The following HNF4G variants were observed in gnomAD, a reference collection of about 807,000 sequenced individuals.
HNF4G encodes hepatocyte nuclear factor 4 gamma, also known as hepatocyte nuclear factor 4-gamma.
A neutral mutation model predicts 50.9 loss-of-function variants in HNF4G; 21 were observed. The observed-to-expected ratio is 0.41, with a 90% confidence interval of 0.29 to 0.59. The LOEUF is 0.59. Among genes scored for constraint, HNF4G ranks in the 20% least tolerant of loss-of-function variants. The pLI is 0.26. For missense variants in HNF4G, 527 were observed against 559.4 expected, an observed-to-expected ratio of 0.94 and a Z score of 0.58; for synonymous variants, 198 against 185.6, an observed-to-expected ratio of 1.07 and a Z score of -0.54.
At chr8:75,519,135 G>A (rs1805972959) in intron 2 of HNF4G, among the ~76,000 whole-genome samples, 1 of 152,136 alleles carries the variant, frequency 6.6e-6, no homozygotes, top group Admixed American at 6.5e-5. Flanking sequence ...CAGATCTCTA[G>A]GGCAGGGGCA....
chr8:75,456,692 C>A (rs1811732225), intron 1 of HNF4G, among the ~76,000 whole-genome samples: 1 of 151,258 alleles, frequency 6.6e-6, no homozygotes, highest in Non-Finnish European at 1.5e-5. Context: ...TATAAAAGTC[C>A]CATAGAATAA....
intron 1 of HNF4G, among the ~76,000 whole-genome samples, chr8:75,453,789 T>A (rs1232361698): frequency 1.3e-5 from 2 of 152,128 alleles, no homozygotes; most frequent in Admixed American, 1.3e-4. Flanking sequence ...CCTAATGTTT[T>A]TTGCTTTGTT....
intron 1 of HNF4G, among the ~76,000 whole-genome samples, chr8:75,411,488 C>T (rs557138074): frequency 5.3e-5 from 8 of 152,274 alleles, no homozygotes; most frequent in Admixed American, 2.6e-4. Context: ...TGCCTTATTG[C>T]CTGTTCTTCC....
At chr8:75,483,776 AT>A (rs1001055804) in intron 1 of HNF4G, among the ~76,000 whole-genome samples, 18 of 152,214 alleles carry the variant, frequency 1.2e-4, no homozygotes, top group African/African-American at 3.6e-4. Flanking sequence ...ATCTCTTAAA[AT>A]TTATTATAAT....
intron 1 of HNF4G, among the ~76,000 whole-genome samples, chr8:75,421,832 A>G (rs1053451445): frequency 1.3e-5 from 2 of 152,136 alleles, no homozygotes; most frequent in African/African-American, 4.8e-5. Context: ...GTCTCTCCAC[A>G]TGCACGGTGC....
At chr8:75,478,714 TTC>T (rs1812300379) in intron 1 of HNF4G, among the ~76,000 whole-genome samples, 1 of 151,702 alleles carries the variant, frequency 6.6e-6, no homozygotes. Flanking sequence ...TACGCATCTT[TTC>T]TTTTTCTTTT....
chr8:75,529,725 G>T (rs1806279141), intron 2 of HNF4G, among the ~76,000 whole-genome samples: 1 of 152,108 alleles, frequency 6.6e-6, no homozygotes, highest in South Asian at 2.1e-4. Flanking sequence ...CCTTAAATTA[G>T]ATGTGAATTT....
At chr8:75,456,161 T>C (rs1811718058) in intron 1 of HNF4G, among the ~76,000 whole-genome samples, 1 of 152,126 alleles carries the variant, frequency 6.6e-6, no homozygotes, top group African/African-American at 2.4e-5. Context: ...GCTCATTTTC[T>C]ACATATTTGA....
At chr8:75,482,658 G>A (rs537551946) in intron 1 of HNF4G, among the ~76,000 whole-genome samples, 1 of 152,114 alleles carries the variant, frequency 6.6e-6, no homozygotes, top group African/African-American at 2.4e-5. Flanking sequence ...GTGAGCCACC[G>A]CCCCCCGGCT....
At chr8:75,552,278 C>A (rs1291112541) in intron 4 of HNF4G, among the ~76,000 whole-genome samples, 1 of 151,848 alleles carries the variant, frequency 6.6e-6, no homozygotes, top group African/African-American at 2.4e-5. Context: ...GCTTGATGGG[C>A]AATAAAGCTT....
rs150672680 is a variant in HNF4G, at chr8:75,409,128, G to A, written c.-144+966G>A. On this transcript the variant is annotated intron_variant, in intron 1 of 10. Coordinates refer to the HNF4G transcript ENST00000354370. ...CGAAGTAGGTGACCAAGTAGTGTTG[G>A]GCTCTTTCCTGGTATCACTTGAAGG... 3.8e-3 allele frequency among the ~76,000 whole-genome samples: 577 copies of A among 152,232 alleles called. 3 individuals carry two copies. The highest frequency in any genetic ancestry group is 0.012 in the African/African-American group (485 of 41,530).
At chr8:75,473,386 A>C (rs769242416) in intron 1 of HNF4G, among the ~76,000 whole-genome samples, 1 of 152,230 alleles carries the variant, frequency 6.6e-6, no homozygotes. Flanking sequence ...ATATGCTTGT[A>C]TGTACACTTG....
At chr8:75,462,931 A>G (rs771149450) in intron 1 of HNF4G, among the ~76,000 whole-genome samples, 1 of 152,136 alleles carries the variant, frequency 6.6e-6, no homozygotes, top group Non-Finnish European at 1.5e-5. Context: ...TCTAATAATA[A>G]TTACATTTGC....
chr8:75,426,746 G>A (rs1002352815), intron 1 of HNF4G, among the ~76,000 whole-genome samples: 5 of 151,990 alleles, frequency 3.3e-5, no homozygotes, highest in Non-Finnish European at 7.4e-5. Flanking sequence ...GAGGATAAAA[G>A]GTTGTTTAGT....
intron 2 of HNF4G, among the ~76,000 whole-genome samples, chr8:75,506,872 C>T (rs1813090785): frequency 6.6e-6 from 1 of 152,072 alleles, no homozygotes. Context: ...ACAACAACAA[C>T]AACATCAGCA....
chr8:75,500,255 T>C (rs1339320147), intron 2 of HNF4G, among the ~76,000 whole-genome samples: 1 of 152,000 alleles, frequency 6.6e-6, no homozygotes, highest in Non-Finnish European at 1.5e-5. Context: ...AAACGAACAA[T>C]AAGCACATGA....
At position 75,476,330 on chromosome 8, in the gene HNF4G, A is replaced by G. The variant is rs531269453; in HGVS notation, c.-143-13759A>G. On this transcript the variant is annotated intron_variant, in intron 1 of 10. Coordinates refer to the HNF4G transcript ENST00000354370. Reference sequence around the variant, plus strand: ...ATATATACCACATTTTCTTTACCCAATCATTCATTGATGAATACTTGGGTT... The same window carrying G: ...ATATATACCACATTTTCTTTACCCAGTCATTCATTGATGAATACTTGGGTT... Among the ~76,000 whole-genome samples, 6 of 152,278 alleles carry G rather than the reference A, an allele frequency of 3.9e-5. No individual in the cohort carries two copies. The East Asian group carries it at 9.7e-4, about 25-fold the overall frequency.
intron 3 of HNF4G, among the ~76,000 whole-genome samples, chr8:75,549,242 A>T (rs561980161): frequency 6.0e-4 from 92 of 152,312 alleles, no homozygotes; most frequent in Non-Finnish European, 1.1e-3. Flanking sequence ...CACTAACAGC[A>T]TAGTAGCAAG....
At chr8:75,479,169 A>G (rs1812314018) in intron 1 of HNF4G, among the ~76,000 whole-genome samples, 1 of 152,228 alleles carries the variant, frequency 6.6e-6, no homozygotes, top group Non-Finnish European at 1.5e-5. Flanking sequence ...TAAGAGATAG[A>G]TTGGCCTCTT....
Sources: allele counts gnomAD v4.1 joint callset (sites outside exome capture counted in the v4.1 genomes callset), GRCh38; gene constraint gnomAD v4.1.1; transcripts MANE v1.5; gene names NCBI Gene and HGNC (gene_info 2026-07-23, HGNC 2026-07-21).